Variants in RNF115 observed in about 807,000 individuals in gnomAD.
RNF115 encodes the protein ring finger protein 115, also known as E3 ubiquitin-protein ligase RNF115.
Under a neutral mutation model 39.2 loss-of-function variants are expected in RNF115, and 31 were observed. The ratio of observed to expected loss-of-function variants is 0.79; its 90% CI spans 0.59 to 1.07. The LOEUF (loss-of-function observed/expected upper bound fraction) is 1.07. Among genes scored for constraint, RNF115 ranks in the 50% least tolerant of loss-of-function variants. RNF115 has a pLI of 0.00. For synonymous variants in RNF115, 124 were observed against 131.0 expected (o/e 0.95, Z 0.37); for missense variants, 384 against 381.7 (o/e 1.01, Z -0.05).
At chr1:145,803,022 C>T (rs1015801918) in intron 1 of RNF115, among the ~76,000 whole-genome samples, 4 of 152,196 alleles carry the variant, frequency 2.6e-5, no homozygotes, top group African/African-American at 9.7e-5. Flanking sequence ...TCCTCAAGGT[C>T]TCTGTGAAAA....
chr1:145,809,488 ATTTTTT>A (rs781918386), intron 1 of RNF115, among the ~76,000 whole-genome samples: 4 of 46,344 alleles, frequency 8.6e-5, no homozygotes, highest in African/African-American at 3.8e-4. Flanking sequence ...GACCCAGCTA[ATTTTTT>A]TTTTTTTTTT....
intron 7 of RNF115, among the ~76,000 whole-genome samples, chr1:145,749,129 G>A (rs972053387): frequency 1.1e-4 from 17 of 152,080 alleles, no homozygotes; most frequent in Admixed American, 1.3e-4. Context: ...TAGTCTATAC[G>A]CCTAGTGGCT....
rs1482321038 is a variant in RNF115 at position 145,764,179 on chromosome 1, G to C, written c.428+7532C>G. Among the ~76,000 whole-genome samples, 13 of 152,294 alleles carry C rather than the reference G, an allele frequency of 8.5e-5. 1 individual carries two copies. The East Asian group carries it at 2.5e-3, about 29-fold the overall frequency. On this transcript the variant is annotated intron_variant, in intron 4 of 8. Coordinates refer to ENST00000582693, the MANE Select transcript of RNF115 (RefSeq NM_014455.4). Reference sequence around the variant, plus strand: ...GATCCGCCAGCCTCGGCCTCCCGAGGTGCCGGGATTGCAGACGGAGTCTTG... The same window carrying C: ...GATCCGCCAGCCTCGGCCTCCCGAGCTGCCGGGATTGCAGACGGAGTCTTG...
rs1441617586 is a variant in RNF115, at chr1:145,740,630, G to C, written c.*6236C>G. ...ACGGGTTTTGAACCTGTGAGGCCAT[G>C]AGGTTATCAGAAGGAATCTATATAC... On this transcript the variant is annotated 3_prime_UTR_variant, in exon 9 of 9. Transcript: ENST00000582693. 6.6e-6 allele frequency: 1 copy of C among 152,194 alleles called. No homozygotes were observed. Among genetic ancestry groups the C allele is most frequent in the East Asian group, 1.9e-4 (1 of 5,204 alleles). The allele number at this position is 152,194 out of a possible 1,614,324, so 9.4% of individuals were successfully genotyped here.
intron 4 of RNF115, among the ~76,000 whole-genome samples, chr1:145,756,837 T>C (rs1297838412): frequency 2.1e-5 from 3 of 139,658 alleles, no homozygotes; most frequent in African/African-American, 5.4e-5. Flanking sequence ...GCTTCTTTTT[T>C]TTTTTTTTTT....
At chr1:145,807,773 T>G (rs1649522287) in intron 1 of RNF115, among the ~76,000 whole-genome samples, 1 of 152,134 alleles carries the variant, frequency 6.6e-6, no homozygotes, top group South Asian at 2.1e-4. Context: ...CATCAGAACT[T>G]ATTCCTTCTA....
Position 145,771,882 on chromosome 1 carries a change from T to A in RNF115, c.257A>T (p.Asp86Val). The change falls in exon 4 of 9, where the codon GAT (aspartate) becomes GTT (valine). Residue 86 changes from aspartate to valine, a missense_variant. By Grantham distance (152) the Asp-to-Val change is radical. Transcript: ENST00000582693. ...GHLDHTMFFQ[D>V]FRPFLSSSPL... ...ACTGCTACTTAGAAAGGGTCTAAAATCTTGAAAAAACATCGTGTGATCCAA... is the reference window on the plus strand; with the variant it reads ...ACTGCTACTTAGAAAGGGTCTAAAAACTTGAAAAAACATCGTGTGATCCAA... 3 of 1,613,938 alleles carry A rather than the reference T, an allele frequency of 1.9e-6. No individual in the cohort carries two copies. The highest frequency in any genetic ancestry group is 2.5e-6 in the Non-Finnish European group (3 of 1,179,964).
At chr1:145,752,893 GCT>G in intron 5 of RNF115, 83 bp downstream of exon 5, 1 of 981,532 alleles carries the variant, frequency 1.0e-6, no homozygotes, top group Non-Finnish European at 1.6e-6. Flanking sequence ...GGCCTATGCA[GCT>G]CTTTTTCTCT....
intron 1 of RNF115, among the ~76,000 whole-genome samples, chr1:145,822,576 CATTA>C (rs1650322136): frequency 7.4e-6 from 1 of 134,566 alleles, no homozygotes; most frequent in African/African-American, 3.6e-5. Flanking sequence ...TAGAAACATA[CATTA>C]TGTTGCCACT....
At chr1:145,806,355 T>A (rs1226754270) in intron 1 of RNF115, among the ~76,000 whole-genome samples, 1 of 151,710 alleles carries the variant, frequency 6.6e-6, no homozygotes, top group Non-Finnish European at 1.5e-5. Flanking sequence ...CTCAAAAAAA[T>A]AAAATAGATA....
At chr1:145,808,362 CT>C in intron 1 of RNF115, among the ~76,000 whole-genome samples, 1 of 152,108 alleles carries the variant, frequency 6.6e-6, no homozygotes, top group South Asian at 2.1e-4. Flanking sequence ...TTATTTTTGT[CT>C]TTTTAATAAT....
intron 1 of RNF115, among the ~76,000 whole-genome samples, chr1:145,801,708 A>G (rs1649250270): frequency 6.6e-6 from 1 of 152,184 alleles, no homozygotes; most frequent in Non-Finnish European, 1.5e-5. Context: ...TTTCCAATGT[A>G]TGCAGTCACA....
intron 4 of RNF115, among the ~76,000 whole-genome samples, chr1:145,755,207 A>T (rs1658252668): frequency 7.1e-6 from 1 of 140,424 alleles, no homozygotes; most frequent in Non-Finnish European, 1.5e-5. Context: ...GTGCCATTAC[A>T]CTCCAGCCTG....
intron 4 of RNF115, among the ~76,000 whole-genome samples, chr1:145,764,339 G>C (rs1433095786): frequency 6.6e-6 from 1 of 151,756 alleles, no homozygotes; most frequent in Non-Finnish European, 1.5e-5. Context: ...CCGACACCCC[G>C]TCTGGGAAGT....
Position 145,771,929 on chromosome 1 carries a change from A to G in RNF115, c.220-10T>C, listed in dbSNP as rs782316142. On this transcript the variant is annotated splice_polypyrimidine_tract_variant and intron_variant, in intron 3 of 8. Transcript: ENST00000582693. ...CCAAATGGCCCCAAAGCTAGTAAAGACCAGAAATAAGTCACATGTTAGAAA... is the reference window on the plus strand; with the variant it reads ...CCAAATGGCCCCAAAGCTAGTAAAGGCCAGAAATAAGTCACATGTTAGAAA... 1.0e-5 allele frequency: 16 copies of G among 1,607,038 alleles called. No homozygotes were observed. In the South Asian group the frequency reaches 1.7e-4, roughly 17 times the overall value.
intron 1 of RNF115, among the ~76,000 whole-genome samples, chr1:145,804,156 C>T (rs1559128899): frequency 6.6e-6 from 1 of 152,190 alleles, no homozygotes; most frequent in East Asian, 1.9e-4. Context: ...TTCATTCACT[C>T]AGCAAAAATT....
intron 2 of RNF115, among the ~76,000 whole-genome samples, chr1:145,785,498 T>A (rs1299665137): frequency 1.3e-5 from 2 of 152,106 alleles, no homozygotes; most frequent in East Asian, 1.9e-4. Context: ...ATTGTCCCCA[T>A]GAAATTTGCA....
At chr1:145,747,952 C>T (rs1553711962) in intron 8 of RNF115, 43 bp downstream of exon 8, 2 of 1,288,358 alleles carry the variant, frequency 1.6e-6, no homozygotes, top group East Asian at 2.3e-5. Context: ...TATACCTTTA[C>T]TCTGAATCAT....
chr1:145,792,810 T>C (rs1186603366), intron 1 of RNF115, among the ~76,000 whole-genome samples: 1 of 152,198 alleles, frequency 6.6e-6, no homozygotes, highest in Non-Finnish European at 1.5e-5. Context: ...TAGGAAACTT[T>C]AGTTAACTAT....
Sources: allele counts gnomAD v4.1 joint callset (sites outside exome capture counted in the v4.1 genomes callset), GRCh38; gene constraint gnomAD v4.1.1; transcripts MANE v1.5; gene names NCBI Gene and HGNC (gene_info 2026-07-23, HGNC 2026-07-21).